Variants in KLHL29 observed in about 807,000 individuals in gnomAD.
The protein encoded by KLHL29 is kelch like family member 29.
A neutral mutation model predicts 80.4 loss-of-function variants in KLHL29; 21 were observed. The ratio of observed to expected loss-of-function variants is 0.26; its 90% confidence interval spans 0.19 to 0.38. KLHL29 has a LOEUF of 0.38. Ranked by LOEUF, KLHL29 falls within the 10% of genes least tolerant of loss-of-function variation. The pLI is 1.00. For synonymous variants in KLHL29, 511 were observed against 526.8 expected (o/e 0.97, Z 0.41); for missense variants, 867 against 1,223.9 (o/e 0.71, Z 4.35).
intron 2 of KLHL29, among the ~76,000 whole-genome samples, chr2:23,513,666 C>T (rs1665841842): frequency 6.6e-6 from 1 of 152,184 alleles, no homozygotes; most frequent in Admixed American, 6.5e-5. Flanking sequence ...GGTTACGAGT[C>T]TCCTCCTCCT....
At chr2:23,416,657 G>A (rs1393227088) in intron 1 of KLHL29, among the ~76,000 whole-genome samples, 1 of 152,190 alleles carries the variant, frequency 6.6e-6, no homozygotes, top group African/African-American at 2.4e-5. Flanking sequence ...ACTCTTCCTG[G>A]AGAAGCTGCA....
intron 1 of KLHL29, among the ~76,000 whole-genome samples, chr2:23,455,584 C>T (rs898536701): frequency 1.3e-5 from 2 of 150,048 alleles, no homozygotes; most frequent in Non-Finnish European, 3.0e-5. Context: ...AGAGAAGCGT[C>T]AGCTGAGGGA....
intron 1 of KLHL29, among the ~76,000 whole-genome samples, chr2:23,470,247 C>T (rs994845429): frequency 2.0e-5 from 3 of 152,084 alleles, no homozygotes; most frequent in Non-Finnish European, 4.4e-5. Flanking sequence ...TTGGGTGGCA[C>T]GTGTGTCCTT....
At chr2:23,387,934 G>T (rs1666226794) in intron 1 of KLHL29, among the ~76,000 whole-genome samples, 1 of 152,078 alleles carries the variant, frequency 6.6e-6, no homozygotes, top group Non-Finnish European at 1.5e-5. Context: ...AACCATATTT[G>T]CCTGTGATTA....
At chr2:23,548,430 C>T (rs1190659592) in intron 2 of KLHL29, among the ~76,000 whole-genome samples, 3 of 152,202 alleles carry the variant, frequency 2.0e-5, no homozygotes, top group Non-Finnish European at 4.4e-5. Flanking sequence ...TTCCCCAAAA[C>T]CATTTCTCTT....
At chr2:23,507,156 C>T (rs1665622681) in intron 2 of KLHL29, 1 of 426,092 alleles carries the variant, frequency 2.3e-6, no homozygotes, top group Admixed American at 2.5e-5. Context: ...GTTGGTGGCG[C>T]TCACTCCCGT....
chr2:23,692,562 CA>C (rs1348102950), intron 7 of KLHL29, among the ~76,000 whole-genome samples: 1 of 152,182 alleles, frequency 6.6e-6, no homozygotes, highest in African/African-American at 2.4e-5. Context: ...AGAGGGGCAC[CA>C]AGCAGTCTCG....
At chr2:23,458,259 G>A (rs915650469) in intron 1 of KLHL29, among the ~76,000 whole-genome samples, 1 of 152,230 alleles carries the variant, frequency 6.6e-6, no homozygotes, top group Non-Finnish European at 1.5e-5. Context: ...TCTGCTTTCT[G>A]CAAGGCACTG....
intron 1 of KLHL29, among the ~76,000 whole-genome samples, chr2:23,405,623 A>G (rs1172269012): frequency 6.6e-6 from 1 of 152,132 alleles, no homozygotes; most frequent in Non-Finnish European, 1.5e-5. Context: ...GAGGACCAAC[A>G]ATGTTGGCAC....
At chr2:23,673,863 CCCA>C (rs71402504) in intron 5 of KLHL29, among the ~76,000 whole-genome samples, 97,152 of 151,760 alleles carry the variant, frequency 0.64, 32,584 homozygotes, top group East Asian at 0.93. Context: ...CACCCTTGTA[CCCA>C]CCACATGCTC....
At chr2:23,492,528 A>G (rs1035690469) in intron 2 of KLHL29, among the ~76,000 whole-genome samples, 1 of 152,256 alleles carries the variant, frequency 6.6e-6, no homozygotes, top group African/African-American at 2.4e-5. Flanking sequence ...GGCTGGCAGC[A>G]ACACAGGCCT....
chr2:23,548,072 A>G (rs2103487584), intron 2 of KLHL29, among the ~76,000 whole-genome samples: 1 of 46 alleles, frequency 0.022, no homozygotes, highest in Non-Finnish European at 0.056. Flanking sequence ...GACTATGTCA[A>G]GCCGAGGCAG....
intron 2 of KLHL29, among the ~76,000 whole-genome samples, chr2:23,538,770 C>G (rs1462155400): frequency 2.6e-5 from 4 of 152,172 alleles, no homozygotes; most frequent in Non-Finnish European, 5.9e-5. Flanking sequence ...TCCACCAGTT[C>G]TCACTGATCT....
chr2:23,633,756 C>CGTGTGTGTGTGTGTGTGTGTGTGT (rs1181808728), intron 3 of KLHL29, among the ~76,000 whole-genome samples: 2 of 147,128 alleles, frequency 1.4e-5, no homozygotes, highest in Admixed American at 6.7e-5. Flanking sequence ...TCACAGCACT[C>CGTGTGTGTGTGTGTGTGTGTGTGT]GTGTGTGTGT....
At chr2:23,389,421 A>G (rs76790923) in intron 1 of KLHL29, among the ~76,000 whole-genome samples, 4,118 of 152,336 alleles carry the variant, frequency 0.027, 206 homozygotes, top group African/African-American at 0.095. Context: ...AGTCAGATGA[A>G]GAAATGGAAT....
intron 3 of KLHL29, among the ~76,000 whole-genome samples, chr2:23,597,939 T>A (rs760858408): frequency 2.0e-5 from 3 of 152,154 alleles, no homozygotes; most frequent in Non-Finnish European, 1.5e-5. Flanking sequence ...GTGGGAGAGA[T>A]GCACAGGATG....
chr2:23,670,927 T>G (rs1452576886), intron 5 of KLHL29, among the ~76,000 whole-genome samples: 239 of 6,006 alleles, frequency 0.04, 17 homozygotes, highest in Non-Finnish European at 0.065. Flanking sequence ...GCTCTCTCTC[T>G]CTCTCTCTCT....
At chr2:23,626,210 T>C (rs1370465123) in intron 3 of KLHL29, among the ~76,000 whole-genome samples, 2 of 152,224 alleles carry the variant, frequency 1.3e-5, no homozygotes, top group African/African-American at 2.4e-5. Flanking sequence ...ACAACAGGGT[T>C]CGTGCTCCTA....
At chr2:23,564,726 G>T (rs539939345) in intron 3 of KLHL29, among the ~76,000 whole-genome samples, 13 of 152,218 alleles carry the variant, frequency 8.5e-5, no homozygotes, top group African/African-American at 2.9e-4. Flanking sequence ...AGGTATTTGC[G>T]GTTTCCCCGG....
Sources: gnomAD v4.1 joint callset for allele counts (sites outside exome capture counted in the v4.1 genomes callset) on GRCh38, gnomAD v4.1.1 for gene constraint, MANE v1.5 for transcripts, NCBI Gene and HGNC (gene_info 2026-07-23, HGNC 2026-07-21) for gene names.